The following IL1RAPL1 variants were observed in gnomAD, a reference collection of about 807,000 sequenced individuals.
IL1RAPL1 encodes the protein interleukin 1 receptor accessory protein like 1.
Under a neutral mutation model 48.4 loss-of-function variants are expected in IL1RAPL1, and 3 were observed. That is an observed-to-expected ratio of 0.06 (90% CI 0.03 to 0.16). The LOEUF (loss-of-function observed/expected upper bound fraction) is 0.16, where lower values mean the gene tolerates loss of function less well. IL1RAPL1 is among the 10% of genes least tolerant of loss of function. The pLI is 1.00. For missense variants in IL1RAPL1, 349 were observed against 530.6 expected, an observed-to-expected ratio of 0.66 and a Z score of 3.36; for synonymous variants, 185 against 187.7, an observed-to-expected ratio of 0.99 and a Z score of 0.12.
chrX:28,695,078 T>A (rs1935216189), intron 1 of IL1RAPL1, among the ~76,000 whole-genome samples: 1 of 111,846 alleles, frequency 8.9e-6, no homozygotes, highest in Non-Finnish European at 1.9e-5. Flanking sequence ...ATGTATGGAA[T>A]AACTGAAGTA....
chrX:29,118,157 G>T (rs1500730), intron 2 of IL1RAPL1, among the ~76,000 whole-genome samples: 1 of 111,031 alleles, frequency 9.0e-6, no homozygotes, highest in African/African-American at 3.3e-5. Flanking sequence ...TTTGTGTTCT[G>T]TATAAGTACA....
At chrX:28,882,044 A>G (rs927237857) in intron 2 of IL1RAPL1, among the ~76,000 whole-genome samples, 1 of 110,304 alleles carries the variant, frequency 9.1e-6, no homozygotes, top group Non-Finnish European at 1.9e-5. Flanking sequence ...AATGAACTCT[A>G]TGTAGGAGAA....
At chrX:29,364,858 C>T (rs1470324189) in intron 3 of IL1RAPL1, among the ~76,000 whole-genome samples, 1 of 110,874 alleles carries the variant, frequency 9.0e-6, no homozygotes. Flanking sequence ...AGAACCAATT[C>T]CCCACAGATA....
At chrX:29,049,490 G>A (rs180829766) in intron 2 of IL1RAPL1, among the ~76,000 whole-genome samples, 44 of 111,946 alleles carry the variant, frequency 3.9e-4, no homozygotes, top group African/African-American at 1.3e-3. Flanking sequence ...CAATGGAACC[G>A]TGAAGATAGG....
intron 1 of IL1RAPL1, among the ~76,000 whole-genome samples, chrX:28,683,491 A>C (rs1935082563): frequency 8.9e-6 from 1 of 111,774 alleles, no homozygotes; most frequent in Non-Finnish European, 1.9e-5. Flanking sequence ...TTTACTTTAA[A>C]TAGAAAGAGA....
At chrX:29,761,416 C>T (rs1601811805) in intron 6 of IL1RAPL1, among the ~76,000 whole-genome samples, 1 of 111,692 alleles carries the variant, frequency 9.0e-6, no homozygotes, top group Non-Finnish European at 1.9e-5. Flanking sequence ...AAAAGCCTCT[C>T]GCCAGCATTT....
chrX:29,160,566 A>G (rs774360478), intron 2 of IL1RAPL1, among the ~76,000 whole-genome samples: 2 of 112,242 alleles, frequency 1.8e-5, no homozygotes, highest in Non-Finnish European at 3.8e-5. Context: ...TAGGATGCCA[A>G]ATTTCCATTA....
chrX:29,146,259 C>T (rs1929348726), intron 2 of IL1RAPL1, among the ~76,000 whole-genome samples: 1 of 111,419 alleles, frequency 9.0e-6, no homozygotes, highest in African/African-American at 3.3e-5. Context: ...CTCTGAGACT[C>T]AGACCTTGCT....
chrX:29,146,145 G>A (rs961805543), intron 2 of IL1RAPL1, among the ~76,000 whole-genome samples: 3 of 111,763 alleles, frequency 2.7e-5, no homozygotes, highest in African/African-American at 9.8e-5. Flanking sequence ...ACTTGACCTG[G>A]CCTGACCTCA....
chrX:29,272,590 T>C (rs190227275), intron 2 of IL1RAPL1, among the ~76,000 whole-genome samples: 1 of 111,353 alleles, frequency 9.0e-6, no homozygotes, highest in African/African-American at 3.3e-5. Flanking sequence ...TAACATTCTT[T>C]CTTTTATTTC....
At chrX:29,617,708 T>A (rs1924331411) in intron 5 of IL1RAPL1, among the ~76,000 whole-genome samples, 1 of 112,257 alleles carries the variant, frequency 8.9e-6, no homozygotes, top group South Asian at 3.7e-4. Context: ...CAGGATTCTC[T>A]ATGGTTATGC....
intron 2 of IL1RAPL1, among the ~76,000 whole-genome samples, chrX:29,225,939 C>G (rs1376200047): frequency 4.5e-5 from 5 of 111,250 alleles, no homozygotes; most frequent in Middle Eastern, 4.2e-3. Context: ...TATCTATAGT[C>G]AGAAAGAAGC....
At chrX:29,038,738 CTT>C (rs1437211419) in intron 2 of IL1RAPL1, among the ~76,000 whole-genome samples, 1 of 111,945 alleles carries the variant, frequency 8.9e-6, no homozygotes, top group African/African-American at 3.2e-5. Flanking sequence ...AAATTGCACA[CTT>C]GAAGTAAACA....
intron 3 of IL1RAPL1, among the ~76,000 whole-genome samples, chrX:29,327,805 C>T (rs770655769): frequency 6.0e-4 from 66 of 109,783 alleles, no homozygotes; most frequent in Non-Finnish European, 1.2e-3. Flanking sequence ...CTTTGTAAAA[C>T]TTATGGTCTC....
chrX:29,262,669 A>C (rs1931881078), intron 2 of IL1RAPL1, among the ~76,000 whole-genome samples: 1 of 110,936 alleles, frequency 9.0e-6, no homozygotes, highest in Admixed American at 9.6e-5. Context: ...ATCTCAAAAA[A>C]AAAAAAAAAG....
intron 1 of IL1RAPL1, among the ~76,000 whole-genome samples, chrX:28,630,390 A>T (rs1282412132): frequency 2.7e-5 from 3 of 111,837 alleles, no homozygotes; most frequent in African/African-American, 9.8e-5. Context: ...TTATTTGATC[A>T]TCATCAAGAA....
intron 1 of IL1RAPL1, among the ~76,000 whole-genome samples, chrX:28,733,374 G>T (rs1047895398): frequency 9.1e-6 from 1 of 110,383 alleles, no homozygotes; most frequent in African/African-American, 3.3e-5. Flanking sequence ...AAACTCAGAA[G>T]AGTTGCCTGT....
At chrX:29,767,936 C>T (rs1019907778) in intron 6 of IL1RAPL1, among the ~76,000 whole-genome samples, 2 of 108,770 alleles carry the variant, frequency 1.8e-5, no homozygotes, top group African/African-American at 7.0e-5. Flanking sequence ...TAAGTTTATT[C>T]AGTTTAACAG....
At chrX:28,800,421 C>T (rs966312046) in intron 2 of IL1RAPL1, among the ~76,000 whole-genome samples, 1 of 111,553 alleles carries the variant, frequency 9.0e-6, no homozygotes, top group Non-Finnish European at 1.9e-5. Context: ...TTGAAATTGT[C>T]CTCATATTGA....
Sources: allele counts gnomAD v4.1 joint callset (sites outside exome capture counted in the v4.1 genomes callset), GRCh38; gene constraint gnomAD v4.1.1; transcripts MANE v1.5; gene names NCBI Gene and HGNC (gene_info 2026-07-23, HGNC 2026-07-21).